Variants in MAP2K1 observed in about 807,000 individuals in gnomAD.
MAP2K1 encodes mitogen-activated protein kinase kinase 1.
In MAP2K1, 16 loss-of-function variants were observed where a neutral mutation model predicts 46.3. The ratio of observed to expected loss-of-function variants is 0.35; its 90% CI spans 0.23 to 0.52. MAP2K1 has a LOEUF of 0.52. Ranked by LOEUF, MAP2K1 falls within the 20% of genes least tolerant of loss-of-function variation. MAP2K1 has a pLI of 0.94. For synonymous variants in MAP2K1, 183 were observed against 185.6 expected (o/e 0.99, Z 0.11); for missense variants, 263 against 497.1 (o/e 0.53, Z 4.48).
chr15:66,444,935 C>T, intron 5 of MAP2K1: 1 of 541,322 alleles, frequency 1.8e-6, no homozygotes, highest in Non-Finnish European at 3.3e-6. Flanking sequence ...TAGTCATAGT[C>T]ACCCTGGAAG....
chr15:66,399,224 GTTGTT>G (rs1200661380), intron 1 of MAP2K1, among the ~76,000 whole-genome samples: 3 of 152,154 alleles, frequency 2.0e-5, no homozygotes, highest in Non-Finnish European at 2.9e-5. Flanking sequence ...AATGTTCACA[GTTGTT>G]TTGTTTAGTT....
chr15:66,481,989 G>T (rs1423645113), intron 6 of MAP2K1, 110 bp downstream of exon 6: 6 of 1,356,500 alleles, frequency 4.4e-6, no homozygotes, highest in Non-Finnish European at 6.2e-6. Flanking sequence ...GGGACAAGAA[G>T]TGAGGGAGGA....
intron 1 of MAP2K1, among the ~76,000 whole-genome samples, chr15:66,413,047 C>T (rs1202590059): frequency 6.6e-6 from 1 of 152,106 alleles, no homozygotes; most frequent in Non-Finnish European, 1.5e-5. Context: ...AGGTGCTCGC[C>T]ACCACGCCCA....
chr15:66,478,300 C>CTG (rs1164912494), intron 5 of MAP2K1, among the ~76,000 whole-genome samples: 1 of 141,578 alleles, frequency 7.1e-6, no homozygotes, highest in Non-Finnish European at 1.5e-5. Context: ...CTATATATAC[C>CTG]TGTATATATA....
At chr15:66,422,119 T>C (rs1158536196) in intron 1 of MAP2K1, among the ~76,000 whole-genome samples, 1 of 152,218 alleles carries the variant, frequency 6.6e-6, no homozygotes, top group East Asian at 1.9e-4. Flanking sequence ...TTCCCCAGAT[T>C]ATTTATTGCA....
chr15:66,429,465 A>G (rs2093468645), intron 1 of MAP2K1, among the ~76,000 whole-genome samples: 1 of 152,220 alleles, frequency 6.6e-6, no homozygotes, highest in African/African-American at 2.4e-5. Flanking sequence ...GAGCCAAACC[A>G]TATCATATAG....
At chr15:66,447,917 G>A (rs919173884) in intron 5 of MAP2K1, among the ~76,000 whole-genome samples, 4 of 151,838 alleles carry the variant, frequency 2.6e-5, no homozygotes, top group Non-Finnish European at 5.9e-5. Flanking sequence ...TTGGGAGGAT[G>A]AGGTGGGCAG....
chr15:66,414,599 GTCC>G (rs1465291663), intron 1 of MAP2K1, among the ~76,000 whole-genome samples: 1 of 152,100 alleles, frequency 6.6e-6, no homozygotes, highest in Non-Finnish European at 1.5e-5. Context: ...GAGCTTCAGT[GTCC>G]AGAGTTTTTA....
intron 1 of MAP2K1, among the ~76,000 whole-genome samples, chr15:66,401,636 G>A (rs1006095909): frequency 6.6e-6 from 1 of 152,212 alleles, no homozygotes; most frequent in South Asian, 2.1e-4. Context: ...ACAAGAAGGA[G>A]GAAACAATGG....
intron 2 of MAP2K1, 106 bp from the exon 3 acceptor site, chr15:66,436,640 C>G: frequency 9.0e-7 from 1 of 1,105,556 alleles, no homozygotes; most frequent in Non-Finnish European, 1.4e-6. Context: ...TAACCTGTTT[C>G]TCCTCCCTCT....
At chr15:66,395,401 C>G (rs2093365043) in intron 1 of MAP2K1, among the ~76,000 whole-genome samples, 1 of 152,138 alleles carries the variant, frequency 6.6e-6, no homozygotes, top group Non-Finnish European at 1.5e-5. Flanking sequence ...CCTTGCCTAT[C>G]TAGCTTAATT....
intron 1 of MAP2K1, among the ~76,000 whole-genome samples, chr15:66,398,853 A>C (rs1426187626): frequency 6.6e-6 from 1 of 151,026 alleles, no homozygotes; most frequent in Non-Finnish European, 1.5e-5. Flanking sequence ...GGCTCACTGC[A>C]ACCTCCGTCT....
intron 3 of MAP2K1, among the ~76,000 whole-genome samples, chr15:66,438,245 C>A (rs2093494057): frequency 6.6e-6 from 1 of 151,756 alleles, no homozygotes; most frequent in Non-Finnish European, 1.5e-5. Flanking sequence ...CACCACCACG[C>A]CCCGCTAATT....
chr15:66,461,631 G>GA (rs1349306933), intron 5 of MAP2K1, among the ~76,000 whole-genome samples: 2 of 151,818 alleles, frequency 1.3e-5, no homozygotes, highest in Non-Finnish European at 2.9e-5. Context: ...TTTTTCATTT[G>GA]AAAAAACATT....
intron 5 of MAP2K1, among the ~76,000 whole-genome samples, chr15:66,477,214 T>C (rs1386363640): frequency 6.6e-6 from 1 of 152,130 alleles, no homozygotes; most frequent in African/African-American, 2.4e-5. Context: ...CTGTGTTATG[T>C]AAGTTTGAAA....
At chr15:66,418,589 TTC>T (rs2093429851) in intron 1 of MAP2K1, among the ~76,000 whole-genome samples, 1 of 152,214 alleles carries the variant, frequency 6.6e-6, no homozygotes, top group Non-Finnish European at 1.5e-5. Flanking sequence ...AGCTTGTCTT[TTC>T]AGTAACAGCC....
chr15:66,436,147 A>G (rs2140581900), intron 2 of MAP2K1, among the ~76,000 whole-genome samples: 1 of 152,272 alleles, frequency 6.6e-6, no homozygotes, highest in Non-Finnish European at 1.5e-5. Flanking sequence ...AGCTTTTACC[A>G]GGTGCCCCAG....
At chr15:66,449,003 CAAAAAA>C (rs59398424) in intron 5 of MAP2K1, among the ~76,000 whole-genome samples, 677 of 47,946 alleles carry the variant, frequency 0.014, 5 homozygotes, top group African/African-American at 0.057. Flanking sequence ...GACACTGTCT[CAAAAAA>C]AAAAAAAAAA....
At chr15:66,433,524 C>T (rs192255857) in intron 1 of MAP2K1, among the ~76,000 whole-genome samples, 6 of 152,220 alleles carry the variant, frequency 3.9e-5, no homozygotes, top group Admixed American at 6.5e-5. Context: ...TCAGTAACCT[C>T]GGCCTTGCAT....
Sources: gnomAD v4.1 joint callset for allele counts (sites outside exome capture counted in the v4.1 genomes callset) on GRCh38, gnomAD v4.1.1 for gene constraint, MANE v1.5 for transcripts, NCBI Gene and HGNC (gene_info 2026-07-23, HGNC 2026-07-21) for gene names.